The following MZF1 variants were observed in gnomAD, a reference collection of about 807,000 sequenced individuals.
The protein encoded by MZF1 is myeloid zinc finger 1.
MZF1 carries 24 observed loss-of-function variants against 28.6 expected under a neutral mutation model. The observed-to-expected ratio is 0.84, with a 90% CI of 0.61 to 1.18. The LOEUF (loss-of-function observed/expected upper bound fraction) is 1.18. Ranked by LOEUF, MZF1 falls within the 50% of genes most tolerant of loss-of-function variation. The pLI, the probability that MZF1 is intolerant of heterozygous loss-of-function variation, is 0.00. For synonymous variants in MZF1, 516 were observed against 432.5 expected (o/e 1.19, Z -2.40); for missense variants, 1,166 against 1,026.4 (o/e 1.14, Z -1.86).
intron 1 of MZF1, 28 bp from the exon 2 acceptor site, chr19:58,571,457 G>A (rs1422587189): frequency 6.3e-7 from 1 of 1,581,176 alleles, no homozygotes; most frequent in Non-Finnish European, 8.6e-7. Context: ...TGAGGCTGTT[G>A]CAAAAGGAGT....
intron 5 of MZF1, among the ~76,000 whole-genome samples, chr19:58,565,248 C>G (rs1348963802): frequency 6.6e-6 from 1 of 151,978 alleles, no homozygotes; most frequent in African/African-American, 2.4e-5. Flanking sequence ...GCATGCACCA[C>G]CACACCCGGC....
rs757629894 is a variant in MZF1 at position 58,570,497 on chromosome 19, G to T, written c.427C>A (p.Leu143Ile). 6.2e-7 allele frequency: 1 copy of T among 1,613,530 alleles called. No individual in the cohort carries two copies. Among genetic ancestry groups the T allele is most frequent in the African/African-American group, 1.3e-5 (1 of 74,894 alleles). Residue 143 changes from leucine (L) to isoleucine (I), a missense_variant, in exon 3 of 6, where the codon CTA (leucine) becomes ATA (isoleucine). Physicochemically the swap from Leu to Ile is conservative, Grantham distance 5. Transcript: ENST00000215057. ...VTVQVQGQEV[L>I]SEKMEPSSFQ... ...CTGGAGGGCTCCATCTTCTCTGATA[G>T]GACCTCCTGGCCCTGCACCTGGACT...
At chr19:58,564,795 T>A (rs1418171977) in intron 5 of MZF1, among the ~76,000 whole-genome samples, 1 of 151,728 alleles carries the variant, frequency 6.6e-6, no homozygotes, top group Non-Finnish European at 1.5e-5. Context: ...TGGGGTTCTG[T>A]GTAGCTACCC....
chr19:58,569,952 C>T, intron 3 of MZF1: 1 of 316,234 alleles, frequency 3.2e-6, no homozygotes. Flanking sequence ...AGGGGTCATA[C>T]CCCTAACACT....
intron 5 of MZF1, among the ~76,000 whole-genome samples, chr19:58,566,905 C>CTTTTTTTT (rs11403633): frequency 6.9e-6 from 1 of 145,568 alleles, no homozygotes; most frequent in Non-Finnish European, 1.5e-5. Context: ...TCCCAAGACT[C>CTTTTTTTT]TTTTTTTTTT....
In MZF1 at chr19:58,562,568, G is replaced by A. The variant is rs1308711804; in HGVS notation, c.1709C>T (p.Ala570Val). The A allele has an allele frequency of 6.3e-7, 1 of 1,597,508 alleles. No homozygotes were observed. Among genetic ancestry groups the A allele is most frequent in the Non-Finnish European group, 8.5e-7 (1 of 1,174,220 alleles). ...RRIHTGERPF[A>V]CAECGKAFRQ... ...GAAGGCCTTGCCACACTCGGCGCAG[G>A]CGAAGGGCCGCTCCCCGGTGTGGAT... Residue 570 changes from alanine to valine, a missense_variant, in exon 6 of 6, where the codon GCC (alanine) becomes GTC (valine). Physicochemically the swap from Ala to Val is moderately conservative, Grantham distance 64. Coordinates refer to ENST00000215057, the MANE Select transcript of MZF1 (RefSeq NM_198055.2).
intron 1 of MZF1, chr19:58,572,444 C>A: frequency 1.1e-6 from 1 of 878,672 alleles, no homozygotes; most frequent in South Asian, 1.5e-5. Context: ...GGCTCCAAGA[C>A]TGCCGGAACA....
intron 5 of MZF1, among the ~76,000 whole-genome samples, chr19:58,567,862 G>T (rs1408508547): frequency 6.6e-6 from 1 of 152,084 alleles, no homozygotes; most frequent in African/African-American, 2.4e-5. Flanking sequence ...AATAAGGAAA[G>T]ACATTGTAAA....
In MZF1 at chr19:58,568,936, G is replaced by A. The variant is rs1172148112; in HGVS notation, c.772+341C>T. ...AGGTCCCAGCCCTACCTGTCCTGAT[G>A]CCTGACCAGCAGGATGCAAGCCCAG... On this transcript the variant is annotated intron_variant, in intron 5 of 5. Transcript: ENST00000215057. 6 of 229,530 alleles carry A rather than the reference G, an allele frequency of 2.6e-5. No individual in the cohort carries two copies. In the East Asian group the frequency reaches 6.4e-4, roughly 24 times the overall value. The allele number at this position is 229,530 out of a possible 1,614,324, so 14.2% of individuals were successfully genotyped here.
rs1452472397 is a variant in MZF1 at position 58,563,283 on chromosome 19, T to A, written c.994A>T (p.Thr332Ser). 6.2e-7 allele frequency: 1 copy of A among 1,607,360 alleles called. No homozygotes were observed. Among genetic ancestry groups the A allele is most frequent in the East Asian group, 2.2e-5 (1 of 44,636 alleles). Reference sequence around the variant, plus strand: ...CCCCTGGGGGAGCGCCAGCGGGTGGTGATCAGAGCAGGGCCCACACCCCGG... The same window carrying A: ...CCCCTGGGGGAGCGCCAGCGGGTGGAGATCAGAGCAGGGCCCACACCCCGG... The part of the protein sequence containing the change: ...PCRGVGPALI[T>S]TRWRSPRGRS... Residue 332 changes from threonine (T) to serine (S), a missense_variant, in exon 6 of 6, where the codon ACC (threonine) becomes TCC (serine). By Grantham distance (58) the Thr-to-Ser change is moderately conservative. Transcript: ENST00000215057.
At chr19:58,572,245 C>T (rs1442978302) in intron 1 of MZF1, among the ~76,000 whole-genome samples, 3 of 152,150 alleles carry the variant, frequency 2.0e-5, no homozygotes, top group Non-Finnish European at 4.4e-5. Flanking sequence ...AGCCTCACTC[C>T]ACCTAATCCT....
At position 58,562,236 on chromosome 19, in the gene MZF1, A is replaced by AG; in HGVS notation, c.2040dup (p.Tyr681LeufsTer5). On this transcript the variant is annotated frameshift_variant, in exon 6 of 6. Coordinates refer to ENST00000215057, the MANE Select transcript of MZF1 (RefSeq NM_198055.2). LOFTEE classifies it low-confidence loss of function (END_TRUNC). ...GCCTTGCCACACTCAGGGCATGCGT[A>AG]GGGCCGTTCACCCGTGTGGATGCGC... 1 of 1,604,560 alleles carries AG rather than the reference A, an allele frequency of 6.2e-7. No individual in the cohort carries two copies. Among genetic ancestry groups the AG allele is most frequent in the Non-Finnish European group, 8.5e-7 (1 of 1,177,008 alleles).
At chr19:58,563,622 G>A (rs1437071367) in intron 5 of MZF1, 118 bp from the exon 6 acceptor site, 2 of 796,954 alleles carry the variant, frequency 2.5e-6, no homozygotes, top group East Asian at 2.7e-5. Flanking sequence ...AGAGGCAGAC[G>A]GAGGCGACAA....
At position 58,569,385 on chromosome 19, in the gene MZF1, C is replaced by G. The variant is rs545859698; in HGVS notation, c.664G>C (p.Val222Leu). The G allele has an allele frequency of 5.0e-6, 8 of 1,614,078 alleles. No individual in the cohort carries two copies. The highest frequency in any genetic ancestry group is 6.8e-6 in the Non-Finnish European group (8 of 1,179,978). Reference protein sequence around the residue: ...LPEEAQRCGTVLDQIFPHSKT... With the variant: ...LPEEAQRCGTLLDQIFPHSKT... ...CTGTGGGGAAAGATCTGGTCCAGCA[C>G]GGTCCCACATCTCTGAAATCACAGT... Residue 222 changes from valine to leucine, a missense_variant, in exon 5 of 6, where the codon GTG becomes CTG. Val to Leu is a conservative substitution (Grantham distance 32). Coordinates refer to ENST00000215057, the MANE Select transcript of MZF1 (RefSeq NM_198055.2).
At chr19:58,565,563 C>T (rs1307286759) in intron 5 of MZF1, among the ~76,000 whole-genome samples, 3 of 149,700 alleles carry the variant, frequency 2.0e-5, no homozygotes, top group East Asian at 2.0e-4. Flanking sequence ...GACGGAGTCT[C>T]GCTCTGTTGC....
intron 5 of MZF1, among the ~76,000 whole-genome samples, chr19:58,565,943 A>G (rs1379648921): frequency 2.1e-5 from 3 of 145,346 alleles, no homozygotes; most frequent in Non-Finnish European, 3.0e-5. Flanking sequence ...GATCGAGACC[A>G]TCCTGGCTAA....
At position 58,571,161 on chromosome 19, in the gene MZF1, C is replaced by A; in HGVS notation, c.229G>T (p.Val77Leu). 1 of 1,613,976 alleles carries A rather than the reference C, an allele frequency of 6.2e-7. No individual in the cohort carries two copies. The highest frequency in any genetic ancestry group is 8.5e-7 in the Non-Finnish European group (1 of 1,179,958). ...TCCAGCATCTGCTCCTTGGAGCGTA[C>A]CTCTGGACGCAGCCACTGGCGACAC... Reference protein sequence around the residue: ...ELCRQWLRPEVRSKEQMLELL... With the variant: ...ELCRQWLRPELRSKEQMLELL... The change falls in exon 2 of 6, where the codon GTA becomes TTA. Residue 77 changes from valine (V) to leucine (L), a missense_variant. Transcript: ENST00000215057.
In MZF1 at chr19:58,562,545, A is replaced by C; in HGVS notation, c.1732T>G (p.Phe578Val). 1 of 1,606,202 alleles carries C rather than the reference A, an allele frequency of 6.2e-7. No homozygotes were observed. The highest frequency in any genetic ancestry group is 1.1e-5 in the South Asian group (1 of 90,224). ...TGCGTGAGCGTAGGCCGCTGGCGGAAGGCCTTGCCACACTCGGCGCAGGCG... is the reference window on the plus strand; with the variant it reads ...TGCGTGAGCGTAGGCCGCTGGCGGACGGCCTTGCCACACTCGGCGCAGGCG... Reference protein sequence around the residue: ...PFACAECGKAFRQRPTLTQHL... With the variant: ...PFACAECGKAVRQRPTLTQHL... Residue 578 changes from phenylalanine (F) to valine (V), a missense_variant, in exon 6 of 6, where the codon TTC becomes GTC. Physicochemically the swap from Phe to Val is conservative, Grantham distance 50 (BLOSUM62 -1). Coordinates refer to ENST00000215057, the MANE Select transcript of MZF1 (RefSeq NM_198055.2).
At position 58,563,487 on chromosome 19, in the gene MZF1, C is replaced by G. The variant is rs757896533; in HGVS notation, c.790G>C (p.Gly264Arg). 2.6e-6 allele frequency: 4 copies of G among 1,551,498 alleles called. No individual in the cohort carries two copies. Among genetic ancestry groups the G allele is most frequent in the Non-Finnish European group, 3.5e-6 (4 of 1,145,320 alleles). ...CTACCTGGACCTGCGGAGATGCTGCCTAGCTGCAGCGCGAACCCTGCATAC... is the reference window on the plus strand; with the variant it reads ...CTACCTGGACCTGCGGAGATGCTGCGTAGCTGCAGCGCGAACCCTGCATAC... ...IFSPGFALQL[G>R]SISAGPGSVS... is the part of the protein sequence containing the mutation. Residue 264 changes from glycine (G) to arginine (R), a missense_variant, in exon 6 of 6, where the codon GGC (glycine) becomes CGC (arginine). Transcript: ENST00000215057.
Sources: allele counts gnomAD v4.1 joint callset (sites outside exome capture counted in the v4.1 genomes callset), GRCh38; gene constraint gnomAD v4.1.1; transcripts MANE v1.5; gene names NCBI Gene and HGNC (gene_info 2026-07-23, HGNC 2026-07-21).